LIPA: variants seen among roughly 807,000 people sequenced by gnomAD.
LIPA encodes the protein lipase A, lysosomal acid type.
LIPA carries 26 observed loss-of-function variants against 40.6 expected under a neutral mutation model. The observed-to-expected ratio is 0.64, with a 90% CI of 0.47 to 0.89. The LOEUF (loss-of-function observed/expected upper bound fraction) is 0.89. Ranked by LOEUF, LIPA falls within the 40% of genes least tolerant of loss-of-function variation. The pLI is 0.00. For synonymous variants in LIPA, 188 were observed against 168.4 expected (o/e 1.12, Z -0.90); for missense variants, 455 against 479.6 (o/e 0.95, Z 0.48).
rs910565619 is a variant in LIPA, at chr10:89,231,479, T to C, written c.230-3081A>G. Among the ~76,000 whole-genome samples, 4 of 37,096 alleles carry C rather than the reference T, an allele frequency of 1.1e-4. No homozygotes were observed. The South Asian group carries it at 3.2e-3, about 30-fold the overall frequency. The allele number at this position is 37,096 out of a possible 152,430, so 24.3% of individuals were successfully genotyped here. On this transcript the variant is annotated intron_variant, in intron 3 of 9. Coordinates refer to ENST00000336233, the MANE Select transcript of LIPA (RefSeq NM_000235.4). ...AAGAGTATAAAATGATTCCCATAAC[T>C]TTTTTTTTTTTAAGAGAGAAAAGGT...
chr10:89,240,774 G>C (rs1842955843), intron 3 of LIPA, among the ~76,000 whole-genome samples: 1 of 152,118 alleles, frequency 6.6e-6, no homozygotes, highest in Non-Finnish European at 1.5e-5. Context: ...TGTGTTCGTG[G>C]ACTCCTAGGA....
rs1410809018 is a variant in LIPA at position 89,223,701 on chromosome 10, CA to C, written c.804del (p.Asn268LysfsTer5). On this transcript the variant is annotated frameshift_variant, in exon 7 of 10. Coordinates refer to ENST00000336233, the MANE Select transcript of LIPA (RefSeq NM_000235.4). LOFTEE classifies it high-confidence loss of function. ...GNLCFLLCGF[N>X]ERNLNMSRVD... is the part of the protein sequence containing the mutation. ...ATGCATACCATATTTAAATTTCTCT[CA>C]TTAAATCCACACAGAAGAAAACAGA... 6.2e-7 allele frequency: 1 copy of C among 1,612,174 alleles called. No homozygotes were observed. Among genetic ancestry groups the C allele is most frequent in the East Asian group, 2.2e-5 (1 of 44,886 alleles).
intron 1 of LIPA, among the ~76,000 whole-genome samples, chr10:89,311,543 A>C (rs925374083): frequency 1.5e-4 from 22 of 151,538 alleles, no homozygotes; most frequent in Admixed American, 9.2e-4. Flanking sequence ...AAAAAAAAAA[A>C]AACCCTCAAA....
At chr10:89,231,888 C>T (rs1481870643) in intron 3 of LIPA, among the ~76,000 whole-genome samples, 3 of 152,120 alleles carry the variant, frequency 2.0e-5, no homozygotes, top group Admixed American at 6.5e-5. Flanking sequence ...GCTTTATGTG[C>T]TCATCTTTGC....
intron 2 of LIPA, among the ~76,000 whole-genome samples, chr10:89,348,628 G>A (rs901545637): frequency 1.6e-4 from 25 of 152,174 alleles, no homozygotes; most frequent in Non-Finnish European, 2.9e-5. Context: ...TCACGCTTAA[G>A]ACCCTATTTT....
At chr10:89,390,742 C>T (rs1052880146) in intron 2 of LIPA, among the ~76,000 whole-genome samples, 11 of 152,154 alleles carry the variant, frequency 7.2e-5, no homozygotes, top group Admixed American at 4.6e-4. Flanking sequence ...GGCCATAGCC[C>T]CGTAGAACCA....
chr10:89,318,648 G>A (rs1160665347), intron 1 of LIPA, among the ~76,000 whole-genome samples: 1 of 152,142 alleles, frequency 6.6e-6, no homozygotes, highest in African/African-American at 2.4e-5. Flanking sequence ...ACATTAGACA[G>A]ATCAACGAGA....
In LIPA at chr10:89,283,371, AT is replaced by A. The variant is rs1317003158; in HGVS notation, c.-1-35723del. Reference sequence around the variant, plus strand: ...CCACTCTGGCTCGGAAGTCTGCCTGATTGGTGAATAATTCTTTGCTCAATTA... The same window carrying A: ...CCACTCTGGCTCGGAAGTCTGCCTGATGGTGAATAATTCTTTGCTCAATTA... On this transcript the variant is annotated intron_variant, in intron 1 of 5. Coordinates refer to the LIPA transcript ENST00000282673. Among the ~76,000 whole-genome samples the A allele has an allele frequency of 3.3e-5, 5 of 152,290 alleles. No individual in the cohort carries two copies. In the East Asian group the frequency reaches 7.7e-4, roughly 24 times the overall value.
At chr10:89,346,766 A>G (rs1589617785), upstream of LIPA, among the ~76,000 whole-genome samples, 1 of 152,366 alleles carries the variant, frequency 6.6e-6, no homozygotes, top group Admixed American at 6.5e-5. Flanking sequence ...GGGGATGGAC[A>G]GGTGTCCTAG....
rs1453594254 is a variant in LIPA at position 89,291,562 on chromosome 10, T to TC, written c.-1-43914dup. 1.5e-4 allele frequency among the ~76,000 whole-genome samples: 23 copies of TC among 152,002 alleles called. No homozygotes were observed. In the East Asian group the frequency reaches 3.7e-3, roughly 24 times the overall value. On this transcript the variant is annotated intron_variant, in intron 1 of 5. Coordinates refer to the LIPA transcript ENST00000282673. ...TTAACTAGCCTTTTGATTTTTTTTTTCTTTTAAGCATGAGACCACAAGGAG... is the reference window on the plus strand; with the variant it reads ...TTAACTAGCCTTTTGATTTTTTTTTTCCTTTTAAGCATGAGACCACAAGGAG...
At chr10:89,237,463 T>C (rs568647487) in intron 3 of LIPA, among the ~76,000 whole-genome samples, 1 of 150,538 alleles carries the variant, frequency 6.6e-6, no homozygotes, top group Admixed American at 6.6e-5. Context: ...CAAAAAAAAA[T>C]ATATATATAT....
At chr10:89,383,465 A>T in intron 2 of LIPA, 1 of 1,614,220 alleles carries the variant, frequency 6.2e-7, no homozygotes, top group East Asian at 2.2e-5. Flanking sequence ...ACCAAATACA[A>T]TGTGGGAATA....
intron 1 of LIPA, among the ~76,000 whole-genome samples, chr10:89,260,846 A>G (rs967343887): frequency 6.6e-6 from 1 of 152,180 alleles, no homozygotes; most frequent in African/African-American, 2.4e-5. Context: ...GTTTACTAGC[A>G]TGCACTTGAA....
At chr10:89,304,480 A>G (rs1313374197) in intron 1 of LIPA, among the ~76,000 whole-genome samples, 1 of 152,154 alleles carries the variant, frequency 6.6e-6, no homozygotes. Context: ...CTATCTAGAC[A>G]TATGTTTCAT....
chr10:89,372,347 T>TG (rs1211076746), intron 2 of LIPA, among the ~76,000 whole-genome samples: 4 of 152,270 alleles, frequency 2.6e-5, no homozygotes, highest in South Asian at 2.1e-4. Flanking sequence ...ATTCTTCCAG[T>TG]GGGGGAGACA....
At chr10:89,359,815 T>TCACACACACA (rs61589202) in intron 2 of LIPA, among the ~76,000 whole-genome samples, 44 of 146,206 alleles carry the variant, frequency 3.0e-4, no homozygotes, top group Admixed American at 2.8e-3. Context: ...TCTCTCTCTC[T>TCACACACACA]CACACACACA....
chr10:89,214,759 G>A lies in LIPA; in HGVS notation c.*69C>T. 1 of 989,114 alleles carries A rather than the reference G, an allele frequency of 1.0e-6. No homozygotes were observed. 61.3% of individuals were successfully genotyped at this position (989,114 alleles called of 1,614,324 possible). A position where few individuals can be genotyped will look rare whatever the true frequency, so the allele number is the denominator to read the frequency against. The stretch of plus-strand genomic sequence containing the variant: ...GGGAAAGAAAAACAAGTGTTTTACA[G>A]AAATGAAGCAAACACATTTTCACAT... On this transcript the variant is annotated 3_prime_UTR_variant, in exon 10 of 10. Coordinates refer to ENST00000336233, the MANE Select transcript of LIPA (RefSeq NM_000235.4).
At chr10:89,380,481 T>C (rs1272847426) in intron 2 of LIPA, among the ~76,000 whole-genome samples, 1 of 151,336 alleles carries the variant, frequency 6.6e-6, no homozygotes, top group East Asian at 2.0e-4. Flanking sequence ...TGTCACCCAG[T>C]CTGGAGTGCA....
chr10:89,340,184 G>A, intron 1 of LIPA: 6 of 1,513,194 alleles, frequency 4.0e-6, no homozygotes, highest in Non-Finnish European at 5.3e-6. Context: ...TGACGGGTAG[G>A]ACGATAGGAA....
Sources: allele counts gnomAD v4.1 joint callset (sites outside exome capture counted in the v4.1 genomes callset), GRCh38; gene constraint gnomAD v4.1.1; transcripts MANE v1.5; gene names NCBI Gene and HGNC (gene_info 2026-07-23, HGNC 2026-07-21).